The following YAP1 variants were observed in gnomAD, a reference collection of about 807,000 sequenced individuals.
YAP1 encodes the protein transcriptional coactivator YAP1.
Under a neutral mutation model 56.9 loss-of-function variants are expected in YAP1, and 5 were observed. The observed-to-expected ratio is 0.09, with a 90% CI of 0.05 to 0.18. The LOEUF (loss-of-function observed/expected upper bound fraction) is 0.18, where lower values mean the gene tolerates loss of function less well. YAP1 is among the 10% of genes least tolerant of loss of function. The probability of loss-of-function intolerance (pLI) is 1.00; values close to 1 mark genes in which losing one functional copy is unlikely to be tolerated. For synonymous variants in YAP1, 265 were observed against 248.1 expected (o/e 1.07, Z -0.64); for missense variants, 539 against 651.8 (o/e 0.83, Z 1.88).
chr11:102,151,595 T>C (rs1428984291), intron 2 of YAP1, among the ~76,000 whole-genome samples: 1 of 152,236 alleles, frequency 6.6e-6, no homozygotes, highest in African/African-American at 2.4e-5. Context: ...TCTTTATGGA[T>C]CTTTCCCACT....
intron 3 of YAP1, among the ~76,000 whole-genome samples, chr11:102,164,512 G>A (rs1013574398): frequency 6.6e-6 from 1 of 152,034 alleles, no homozygotes; most frequent in East Asian, 1.9e-4. Flanking sequence ...AATTATCTCG[G>A]CAGTTAATGA....
At chr11:102,220,841 C>T (rs1002739979) in intron 6 of YAP1, among the ~76,000 whole-genome samples, 3 of 152,184 alleles carry the variant, frequency 2.0e-5, no homozygotes, top group African/African-American at 7.2e-5. Flanking sequence ...TGGTCAGTAT[C>T]ATTTCGGTGT....
chr11:102,117,068 G>A lies in YAP1; in HGVS notation c.572+2674G>A, dbSNP rs114092009. On this transcript the variant is annotated intron_variant, in intron 2 of 8. Coordinates refer to ENST00000282441, the MANE Select transcript of YAP1 (RefSeq NM_001130145.3). ...AGCTACTTCCATGATGTTATGGACC[G>A]TATAGTTGTTACAACTTCTTTTTGT... 6.0e-3 allele frequency among the ~76,000 whole-genome samples: 908 copies of A among 152,238 alleles called. 9 individuals carry two copies. The highest frequency in any genetic ancestry group is 0.021 in the African/African-American group (852 of 41,556).
At chr11:102,228,456 G>T (rs1161325564) in intron 8 of YAP1, among the ~76,000 whole-genome samples, 2 of 151,764 alleles carry the variant, frequency 1.3e-5, no homozygotes, top group Non-Finnish European at 2.9e-5. Context: ...CCAACATGGT[G>T]AAACCCTGTC....
At chr11:102,168,069 G>A (rs1455065060) in intron 3 of YAP1, among the ~76,000 whole-genome samples, 1 of 151,958 alleles carries the variant, frequency 6.6e-6, no homozygotes, top group Non-Finnish European at 1.5e-5. Context: ...ATATAAATTA[G>A]TTATTATATA....
At chr11:102,156,170 G>C (rs907490433) in intron 2 of YAP1, among the ~76,000 whole-genome samples, 3 of 152,100 alleles carry the variant, frequency 2.0e-5, no homozygotes, top group Non-Finnish European at 4.4e-5. Flanking sequence ...ATTTAAAATA[G>C]TATTTGTTCA....
At chr11:102,123,099 T>C (rs1167618523) in intron 2 of YAP1, among the ~76,000 whole-genome samples, 1 of 152,148 alleles carries the variant, frequency 6.6e-6, no homozygotes, top group Non-Finnish European at 1.5e-5. Context: ...AATCCTTTTC[T>C]TTAATCCTCC....
chr11:102,130,273 T>C (rs772128790), intron 2 of YAP1, among the ~76,000 whole-genome samples: 17 of 152,104 alleles, frequency 1.1e-4, no homozygotes, highest in Non-Finnish European at 2.1e-4. Flanking sequence ...AGGAAGTGTG[T>C]CAGAATAGCC....
intron 2 of YAP1, among the ~76,000 whole-genome samples, chr11:102,151,509 C>T (rs574733599): frequency 6.6e-6 from 1 of 152,166 alleles, no homozygotes; most frequent in African/African-American, 2.4e-5. Flanking sequence ...CTTTTTCTAT[C>T]CTCTATCATT....
At chr11:102,201,606 A>G (rs1356482827) in intron 4 of YAP1, among the ~76,000 whole-genome samples, 1 of 152,238 alleles carries the variant, frequency 6.6e-6, no homozygotes, top group African/African-American at 2.4e-5. Context: ...TGAAACTTGA[A>G]TCATTTTAGT....
At chr11:102,143,533 A>G (rs1945140718) in intron 2 of YAP1, among the ~76,000 whole-genome samples, 1 of 152,150 alleles carries the variant, frequency 6.6e-6, no homozygotes, top group Admixed American at 6.5e-5. Flanking sequence ...CACACCCCCC[A>G]TATCTGCCCC....
intron 2 of YAP1, among the ~76,000 whole-genome samples, chr11:102,119,860 CCAAT>C (rs1471309654): frequency 3.9e-5 from 6 of 152,000 alleles, no homozygotes; most frequent in Admixed American, 6.6e-5. Flanking sequence ...AAGCTTAGGA[CCAAT>C]CAAAGTGAAG....
intron 2 of YAP1, among the ~76,000 whole-genome samples, chr11:102,155,681 T>C (rs932631571): frequency 6.6e-6 from 1 of 152,234 alleles, no homozygotes; most frequent in African/African-American, 2.4e-5. Flanking sequence ...CCTGGTGATT[T>C]ACCCTTTGGG....
intron 2 of YAP1, among the ~76,000 whole-genome samples, chr11:102,143,273 TGGGGCACTTGCTA>T (rs895470447): frequency 2.6e-5 from 4 of 152,310 alleles, no homozygotes; most frequent in African/African-American, 7.2e-5. Flanking sequence ...TGAATTAAAC[TGGGGCACTTGCTA>T]TGTTCCTTAA....
rs1251742201 is a variant in YAP1, at chr11:102,167,078, A to T, written c.688+4507A>T. Among the ~76,000 whole-genome samples, 8 of 152,366 alleles carry T rather than the reference A, an allele frequency of 5.3e-5. No individual in the cohort carries two copies. The South Asian group carries it at 1.0e-3, about 20-fold the overall frequency. On this transcript the variant is annotated intron_variant, in intron 3 of 8. Transcript: ENST00000282441. ...TCAAAATATGAGGTTGAAATGGTAG[A>T]TACTACATATAGCCTAGAGACCAGT...
intron 3 of YAP1, among the ~76,000 whole-genome samples, chr11:102,167,085 A>G (rs2156169): frequency 1 from 151,792 of 152,348 alleles, 75,624 homozygotes; most frequent in Middle Eastern, 1. Flanking sequence ...TAGATACTAC[A>G]TATAGCCTAG....
intron 2 of YAP1, among the ~76,000 whole-genome samples, chr11:102,161,276 A>G (rs563172126): frequency 4.7e-5 from 7 of 147,698 alleles, no homozygotes; most frequent in African/African-American, 9.9e-5. Flanking sequence ...GTTAGCCAGG[A>G]TGGTCTCGAT....
chr11:102,169,403 G>C (rs981349713), intron 3 of YAP1, among the ~76,000 whole-genome samples: 1 of 152,054 alleles, frequency 6.6e-6, no homozygotes, highest in African/African-American at 2.4e-5. Flanking sequence ...TGAGGTCATT[G>C]GCTCTTCCAA....
intron 2 of YAP1, among the ~76,000 whole-genome samples, chr11:102,129,831 G>T (rs1944269751): frequency 8.0e-6 from 1 of 124,358 alleles, no homozygotes; most frequent in Non-Finnish European, 1.6e-5. Flanking sequence ...ATGGGGTCTT[G>T]CTCTGTCACC....
Sources: gnomAD v4.1 joint callset for allele counts (sites outside exome capture counted in the v4.1 genomes callset) on GRCh38, gnomAD v4.1.1 for gene constraint, MANE v1.5 for transcripts, NCBI Gene and HGNC (gene_info 2026-07-23, HGNC 2026-07-21) for gene names.